CARMIL3: variants seen among roughly 807,000 people sequenced by gnomAD.
The protein encoded by CARMIL3 is capping protein, Arp2/3 and myosin-I linker protein 3.
A neutral mutation model predicts 180.8 loss-of-function variants in CARMIL3; 88 were observed. That is an observed-to-expected ratio of 0.49 (90% CI 0.41 to 0.58). The LOEUF (loss-of-function observed/expected upper bound fraction) is 0.58, where lower values mean the gene tolerates loss of function less well. CARMIL3 is among the 20% of genes least tolerant of loss of function. CARMIL3 has a pLI of 0.00. For synonymous variants in CARMIL3, 696 were observed against 714.5 expected (o/e 0.97, Z 0.41); for missense variants, 1,548 against 1,787.0 (o/e 0.87, Z 2.41).
At chr14:24,053,914 G>T (rs2035644353) in intron 2 of CARMIL3, 111 bp downstream of exon 2, 3 of 1,177,586 alleles carry the variant, frequency 2.5e-6, no homozygotes, top group Non-Finnish European at 3.6e-6. Flanking sequence ...GGACACTGAG[G>T]AGACAAAACC....
At position 24,069,543 on chromosome 14, in the gene CARMIL3, G is replaced by A. The variant is rs547153773; in HGVS notation, c.*139G>A. 1.1e-5 allele frequency: 12 copies of A among 1,124,040 alleles called. No homozygotes were observed. Among genetic ancestry groups the A allele is most frequent in the Middle Eastern group, 2.8e-4 (1 of 3,634 alleles). The allele number at this position is 1,124,040 out of a possible 1,614,324, so 69.6% of individuals were successfully genotyped here. A position where few individuals can be genotyped will look rare whatever the true frequency, so the allele number is the denominator to read the frequency against. ...CGGCAGGACCAGGCATGGGGGAGCT[G>A]GAGGCAGGGACTAGAACAGAGGGAG... On this transcript the variant is annotated 3_prime_UTR_variant, in exon 40 of 40. Coordinates refer to ENST00000342740, the MANE Select transcript of CARMIL3 (RefSeq NM_138360.4).
Position 24,061,415 on chromosome 14 carries a change from AATAG to A in CARMIL3, c.2305-78_2305-75del. ...CCTCAGTCTCAGCAGGAGGGGCTGG[AATAG>A]ATAAAGTCTCTTCTGCTGTGGTGCC... is the stretch of plus-strand genomic sequence containing the variant. On this transcript the variant is annotated intron_variant, in intron 26 of 39. Transcript: ENST00000342740. The surrounding 1 kb of genome is among the most constrained non-coding windows in gnomAD (Gnocchi z 4.1). The A allele has an allele frequency of 7.1e-7, 1 of 1,414,654 alleles. No individual in the cohort carries two copies. The highest frequency in any genetic ancestry group is 9.6e-7 in the Non-Finnish European group (1 of 1,038,716). 87.6% of individuals were successfully genotyped at this position (1,414,654 alleles called of 1,614,324 possible). A position where few individuals can be genotyped will look rare whatever the true frequency, so the allele number is the denominator to read the frequency against.
rs1241502080 is a variant in CARMIL3, at chr14:24,066,418, G to A, written c.3546G>A (p.Glu1182=). 6.2e-7 allele frequency: 1 copy of A among 1,614,216 alleles called. No homozygotes were observed. ...TTCAGGGCCCAGGCCCAGACCAGGA[G>A]GGCAGCACCCAGGCCTGGCAGAAAC... ...GKREGPGPDQ[E]GSTQAWQKRR... Residue 1182 remains glutamate, a synonymous_variant, in exon 35 of 40, where the codon GAG becomes GAA. Coordinates refer to ENST00000342740, the MANE Select transcript of CARMIL3 (RefSeq NM_138360.4).
chr14:24,055,459 G>C (rs978918155), intron 8 of CARMIL3, 84 bp from the exon 9 acceptor site: 1 of 1,551,358 alleles, frequency 6.4e-7, no homozygotes, highest in African/African-American at 1.4e-5. Flanking sequence ...GCCTTCCCCA[G>C]CCCAACCACC....
chr14:24,065,280 G>A lies in CARMIL3; in HGVS notation c.3396+7G>A. On this transcript the variant is annotated splice_region_variant and intron_variant, in intron 33 of 39. Transcript: ENST00000342740. ...TTCCTTCCGCCGGAAGATGGTAAGT[G>A]AGGCAGGGGGTGCTGTGTCTTCCCC... The A allele has an allele frequency of 6.6e-7, 1 of 1,520,240 alleles. No individual in the cohort carries two copies. The highest frequency in any genetic ancestry group is 8.8e-7 in the Non-Finnish European group (1 of 1,142,200). The allele number at this position is 1,520,240 out of a possible 1,614,324, so 94.2% of individuals were successfully genotyped here. A position where few individuals can be genotyped will look rare whatever the true frequency, so the allele number is the denominator to read the frequency against.
rs1027366009 is a variant in CARMIL3 at position 24,063,523 on chromosome 14, G to A, written c.2969G>A (p.Gly990Asp). 18 of 1,610,890 alleles carry A rather than the reference G, an allele frequency of 1.1e-5. No individual in the cohort carries two copies. Among genetic ancestry groups the A allele is most frequent in the African/African-American group, 2.7e-5 (2 of 74,830 alleles). ...RPPRTTPPGP[G>D]RPSMPAPGTR... is the part of the protein sequence containing the mutation. ...CCCAGGACCACACCTCCAGGACCTG[G>A]TCGACCCAGTGTGAGTCCCTAAGGC... The change falls in exon 31 of 40, where the codon GGT becomes GAT. Residue 990 changes from glycine (G) to aspartate (D), a missense_variant. Around this residue, in one of 4 missense-constraint regions of CARMIL3, gnomAD observed 668 missense variants for 687.8 expected, o/e 0.97. Coordinates refer to ENST00000342740, the MANE Select transcript of CARMIL3 (RefSeq NM_138360.4).
At chr14:24,053,294 C>T (rs1221404882) in intron 1 of CARMIL3, among the ~76,000 whole-genome samples, 1 of 152,150 alleles carries the variant, frequency 6.6e-6, no homozygotes, top group African/African-American at 2.4e-5. Context: ...GACACTCACA[C>T]CCGGACCACC....
rs372023938 is a variant in CARMIL3, at chr14:24,057,012, G to A, written c.1050G>A (p.Thr350=). The change falls in exon 13 of 40, where the codon ACG becomes ACA. Residue 350 remains threonine (T), a synonymous_variant. Transcript: ENST00000342740. ...DLSKNPGLLA[T]DEANALYSFL... ...GCAAGAATCCTGGGCTCCTCGCCAC[G>A]GATGAGGCCAATGTGAGTCCTCAGA... The A allele has an allele frequency of 5.1e-5, 82 of 1,613,248 alleles. No individual in the cohort carries two copies. The highest frequency in any genetic ancestry group is 4.7e-4 in the South Asian group (43 of 90,900).
chr14:24,057,916 A>T, intron 15 of CARMIL3, 37 bp downstream of exon 15: 3 of 1,612,958 alleles, frequency 1.9e-6, no homozygotes, highest in Non-Finnish European at 2.5e-6. Context: ...AGGGCAAGAC[A>T]TGGCCAACCC....
In CARMIL3 at chr14:24,060,596, GTCCCCT is replaced by G. The variant is rs778967275; in HGVS notation, c.2062-30_2062-25del. 1.3e-5 allele frequency: 21 copies of G among 1,609,664 alleles called. No individual in the cohort carries two copies. In the South Asian group the frequency reaches 2.2e-4, roughly 17 times the overall value. ...TACCTGCGAAGATGTGGAAGCAGGG[GTCCCCT>G]TGACACCCCTGCCACTGTGCTCCAG... On this transcript the variant is annotated intron_variant, in intron 24 of 39. Transcript: ENST00000342740.
chr14:24,064,159 C>A, intron 31 of CARMIL3, 87 bp from the exon 32 acceptor site: 2 of 851,634 alleles, frequency 2.3e-6, no homozygotes, highest in Non-Finnish European at 3.8e-6. Context: ...CATAAATGTC[C>A]AAGCCCAAAG....
chr14:24,056,341 G>A lies in CARMIL3; in HGVS notation c.813G>A (p.Gly271=), dbSNP rs2035671479. The A allele has an allele frequency of 6.2e-7, 1 of 1,613,952 alleles. No homozygotes were observed. Among genetic ancestry groups the A allele is most frequent in the Non-Finnish European group, 8.5e-7 (1 of 1,179,898 alleles). Residue 271 remains glycine, a synonymous_variant, in exon 11 of 40, where the codon GGG becomes GGA. Transcript: ENST00000342740. ...TGGCCGGGGTGTTTGGGGAGAACGG[G>A]AGCTGTGTGCTGCATGCCCTCACTC... The part of the protein sequence containing the change: ...QKLAGVFGEN[G]SCVLHALTLS...
At position 24,060,192 on chromosome 14, in the gene CARMIL3, G is replaced by T. The variant is rs779580725; in HGVS notation, c.1998G>T (p.Gln666His). ...QWCLVRNNHS[Q>H]TCPQEQAFRL... ...GCTTAGTGAGGAACAACCACTCCCA[G>T]ACGTGCCCCCAGGAGCAGGCCTTCA... Residue 666 changes from glutamine to histidine, a missense_variant, in exon 24 of 40, where the codon CAG becomes CAT. By Grantham distance (24) the Gln-to-His change is conservative (BLOSUM62 0). This residue lies in a region of CARMIL3 where 297 missense variants were observed against 415.9 expected (regional missense o/e 0.71). Coordinates refer to ENST00000342740, the MANE Select transcript of CARMIL3 (RefSeq NM_138360.4). 6.2e-7 allele frequency: 1 copy of T among 1,614,192 alleles called. No individual in the cohort carries two copies. The highest frequency in any genetic ancestry group is 8.5e-7 in the Non-Finnish European group (1 of 1,180,036).
rs77069280 is a variant in CARMIL3, at chr14:24,062,093, C to A, written c.2481-387C>A. 1.0e-2 allele frequency: 3,446 copies of A among 345,070 alleles called. 109 individuals carry two copies. Among genetic ancestry groups the A allele is most frequent in the African/African-American group, 0.067 (3,240 of 48,284 alleles). 21.4% of individuals were successfully genotyped at this position (345,070 alleles called of 1,614,324 possible). A position where few individuals can be genotyped will look rare whatever the true frequency, so the allele number is the denominator to read the frequency against. ...AACCAAAGGAAAACTAGTACACATA[C>A]CTATGAAACAGCTAGGCCCAAGGAA... On this transcript the variant is annotated intron_variant, in intron 27 of 39. Transcript: ENST00000342740.
At position 24,055,109 on chromosome 14, in the gene CARMIL3, G is replaced by T. The variant is rs572818003; in HGVS notation, c.504G>T (p.Gly168=). ...ETYAALCDYN[G]LHCREEVQWD... is the part of the protein sequence containing the mutation. Reference sequence around the variant, plus strand: ...ACGCTGCTCTGTGTGACTACAATGGGCTACACTGCCGTGAGGAGGTTCAAT... The same window carrying T: ...ACGCTGCTCTGTGTGACTACAATGGTCTACACTGCCGTGAGGAGGTTCAAT... Residue 168 remains glycine (G), a synonymous_variant, in exon 7 of 40, where the codon GGG becomes GGT. Coordinates refer to ENST00000342740, the MANE Select transcript of CARMIL3 (RefSeq NM_138360.4). 1 of 1,613,768 alleles carries T rather than the reference G, an allele frequency of 6.2e-7. No individual in the cohort carries two copies. Among genetic ancestry groups the T allele is most frequent in the Admixed American group, 1.7e-5 (1 of 59,994 alleles).
In CARMIL3 at chr14:24,069,484, G is replaced by GC; in HGVS notation, c.*85dup. On this transcript the variant is annotated 3_prime_UTR_variant, in exon 40 of 40. Coordinates refer to ENST00000342740, the MANE Select transcript of CARMIL3 (RefSeq NM_138360.4). The stretch of plus-strand genomic sequence containing the variant: ...CCCCTATCCACCCCCAGTCCCCAGG[G>GC]CCCCCTGCCAGCCCCTGTCCTACAG... 6.3e-7 allele frequency: 1 copy of GC among 1,575,338 alleles called. No individual in the cohort carries two copies. Among genetic ancestry groups the GC allele is most frequent in the Admixed American group, 1.7e-5 (1 of 57,748 alleles).
rs745886270 is a variant in CARMIL3, at chr14:24,057,968, G to A, written c.1226G>A (p.Arg409Gln). The A allele has an allele frequency of 3.1e-6, 5 of 1,613,314 alleles. No homozygotes were observed. Among genetic ancestry groups the A allele is most frequent in the Non-Finnish European group, 4.2e-6 (5 of 1,179,982 alleles). ...CAGGGGTCTCTCCACAGGAAGGGTCGAGAGGCCCCGCCGGCCTTCAAGCAG... is the reference window on the plus strand; with the variant it reads ...CAGGGGTCTCTCCACAGGAAGGGTCAAGAGGCCCCGCCGGCCTTCAAGCAG... The part of the protein sequence containing the change: ...ARNSCSHRKG[R>Q]EAPPAFKQFF... The change falls in exon 16 of 40, where the codon CGA (arginine) becomes CAA (glutamine). Residue 409 changes from arginine (R) to glutamine (Q), a missense_variant. Coordinates refer to ENST00000342740, the MANE Select transcript of CARMIL3 (RefSeq NM_138360.4).
chr14:24,056,779 A>G (rs1269420621), intron 12 of CARMIL3, 71 bp downstream of exon 12: 1 of 1,536,912 alleles, frequency 6.5e-7, no homozygotes, highest in African/African-American at 1.4e-5. Flanking sequence ...CTCCAGAGGT[A>G]CACCCACACA....
chr14:24,067,933 G>A (rs1274566795), intron 36 of CARMIL3, among the ~76,000 whole-genome samples: 1 of 152,256 alleles, frequency 6.6e-6, no homozygotes, highest in Non-Finnish European at 1.5e-5. Context: ...CCAGGGCACT[G>A]CAGCCTGGAT....
Sources: gnomAD v4.1 joint callset for allele counts (sites outside exome capture counted in the v4.1 genomes callset) on GRCh38, gnomAD v4.1.1 for gene constraint, gnomAD v4.1.1 regional missense constraint, Gnocchi (gnomAD v3.1) non-coding constraint, MANE v1.5 for transcripts, NCBI Gene and HGNC (gene_info 2026-07-23, HGNC 2026-07-21) for gene names.